The following HECW1 variants were observed in gnomAD, a reference collection of about 807,000 sequenced individuals.
HECW1 encodes the protein HECT, C2 and WW domain containing E3 ubiquitin protein ligase 1, also known as E3 ubiquitin-protein ligase HECW1.
Under a neutral mutation model 182.3 loss-of-function variants are expected in HECW1, and 61 were observed. The observed-to-expected ratio is 0.33, with a 90% CI of 0.27 to 0.41. The LOEUF is 0.41. HECW1 is among the 10% of genes least tolerant of loss of function. The pLI is 1.00. For synonymous variants in HECW1, 859 were observed against 832.6 expected, an observed-to-expected ratio of 1.03 and a Z score of -0.55; for missense variants, 1,739 against 2,108.9, an observed-to-expected ratio of 0.82 and a Z score of 3.44.
At chr7:43,522,545 G>T (rs998607541) in intron 24 of HECW1, 1 of 152,690 alleles carries the variant, frequency 6.5e-6, no homozygotes, top group Non-Finnish European at 1.5e-5. Context: ...GAAGGCTGGA[G>T]GTTAGCTATG....
At chr7:43,132,019 C>T (rs4720443) in intron 2 of HECW1, among the ~76,000 whole-genome samples, 5,988 of 152,256 alleles carry the variant, frequency 0.039, 211 homozygotes, top group Admixed American at 0.1. Flanking sequence ...TTTAGTGAAA[C>T]CTCTGTTGTT....
chr7:43,153,788 A>C (rs1471750100), intron 2 of HECW1, among the ~76,000 whole-genome samples: 1 of 152,096 alleles, frequency 6.6e-6, no homozygotes, highest in African/African-American at 2.4e-5. Flanking sequence ...CAGTAACCCC[A>C]CTTGTGGAGT....
intron 6 of HECW1, among the ~76,000 whole-genome samples, chr7:43,366,884 C>A (rs1483058556): frequency 6.6e-6 from 1 of 152,098 alleles, no homozygotes; most frequent in African/African-American, 2.4e-5. Context: ...TGGACCCACC[C>A]CCTGAGATCC....
At chr7:43,393,493 C>G (rs79427113) in intron 6 of HECW1, among the ~76,000 whole-genome samples, 18,088 of 152,152 alleles carry the variant, frequency 0.12, 1,263 homozygotes, top group Middle Eastern at 0.29. Context: ...TTTTTACTTC[C>G]TGGAAAATGT....
chr7:43,354,582 CAAAG>C (rs1056767939), intron 5 of HECW1, among the ~76,000 whole-genome samples: 5 of 151,658 alleles, frequency 3.3e-5, no homozygotes, highest in Admixed American at 2.6e-4. Flanking sequence ...TCAGTGAGCT[CAAAG>C]AGAGGCTATT....
chr7:43,506,875 T>TGG (rs1319369296), intron 21 of HECW1, among the ~76,000 whole-genome samples: 1 of 152,154 alleles, frequency 6.6e-6, no homozygotes, highest in African/African-American at 2.4e-5. Context: ...GAGACCAGCC[T>TGG]GGTCAACATG....
At chr7:43,411,102 T>C (rs1339573060) in intron 8 of HECW1, among the ~76,000 whole-genome samples, 2 of 151,776 alleles carry the variant, frequency 1.3e-5, no homozygotes, top group Non-Finnish European at 2.9e-5. Flanking sequence ...TAGACTTACA[T>C]TTATTCTCTA....
chr7:43,500,259 C>A (rs560751297), intron 19 of HECW1, among the ~76,000 whole-genome samples: 389 of 152,144 alleles, frequency 2.6e-3, no homozygotes, highest in Non-Finnish European at 4.7e-3. Flanking sequence ...AACACCACAC[C>A]TGGCTAATTT....
chr7:43,475,479 T>A (rs1410078913), intron 16 of HECW1, among the ~76,000 whole-genome samples: 1 of 152,178 alleles, frequency 6.6e-6, no homozygotes, highest in African/African-American at 2.4e-5. Context: ...CTCAAAGACT[T>A]AGTAGCATTA....
At chr7:43,362,131 CAAAAA>C (rs34879817) in intron 6 of HECW1, among the ~76,000 whole-genome samples, 14 of 87,844 alleles carry the variant, frequency 1.6e-4, no homozygotes, top group South Asian at 4.9e-4. Flanking sequence ...AACTCCGTCT[CAAAAA>C]AAAAAAAAAA....
At chr7:43,401,041 A>G (rs2075387695) in intron 7 of HECW1, among the ~76,000 whole-genome samples, 1 of 152,220 alleles carries the variant, frequency 6.6e-6, no homozygotes, top group Non-Finnish European at 1.5e-5. Context: ...TCACCTGGAC[A>G]GTCCAGGATA....
At chr7:43,422,884 C>T (rs1252738746) in intron 8 of HECW1, among the ~76,000 whole-genome samples, 6 of 151,368 alleles carry the variant, frequency 4.0e-5, no homozygotes, top group Admixed American at 3.9e-4. Flanking sequence ...AATCGCAGTG[C>T]CTGGCCGAGA....
intron 2 of HECW1, among the ~76,000 whole-genome samples, chr7:43,230,636 C>A: frequency 6.6e-6 from 1 of 152,078 alleles, no homozygotes; most frequent in South Asian, 2.1e-4. Flanking sequence ...AAATATGCAT[C>A]ATAGTATTTA....
chr7:43,182,299 G>GTC (rs1469886769), intron 2 of HECW1, among the ~76,000 whole-genome samples: 1 of 152,146 alleles, frequency 6.6e-6, no homozygotes, highest in African/African-American at 2.4e-5. Flanking sequence ...TTATATTTAA[G>GTC]TCTTTAATCC....
intron 2 of HECW1, among the ~76,000 whole-genome samples, chr7:43,154,654 C>A (rs1789687988): frequency 6.6e-6 from 1 of 152,032 alleles, no homozygotes; most frequent in Non-Finnish European, 1.5e-5. Context: ...CCCCTAGCAT[C>A]CTAAAGAGGA....
intron 2 of HECW1, among the ~76,000 whole-genome samples, chr7:43,170,251 TGTA>T (rs1435249053): frequency 1.3e-5 from 2 of 152,306 alleles, no homozygotes; most frequent in African/African-American, 4.8e-5. Flanking sequence ...TATATTAACA[TGTA>T]ATAATATATA....
At chr7:43,510,779 G>A (rs770664952) in intron 24 of HECW1, among the ~76,000 whole-genome samples, 8 of 152,194 alleles carry the variant, frequency 5.3e-5, no homozygotes, top group Non-Finnish European at 1.0e-4. Context: ...TACCACGGTG[G>A]GATGAATGGA....
At chr7:43,464,718 A>G (rs1017689926) in intron 14 of HECW1, among the ~76,000 whole-genome samples, 1 of 152,180 alleles carries the variant, frequency 6.6e-6, no homozygotes, top group African/African-American at 2.4e-5. Context: ...ATGCACATCC[A>G]CAGTTCCACC....
chr7:43,196,954 A>G (rs1477555036), intron 2 of HECW1, among the ~76,000 whole-genome samples: 1 of 152,160 alleles, frequency 6.6e-6, no homozygotes. Context: ...TGTGCATCAT[A>G]TTCATTTCAT....
Sources: allele counts gnomAD v4.1 joint callset (sites outside exome capture counted in the v4.1 genomes callset), GRCh38; gene constraint gnomAD v4.1.1; transcripts MANE v1.5; gene names NCBI Gene and HGNC (gene_info 2026-07-23, HGNC 2026-07-21).